SLC4A10: variants seen among roughly 807,000 people sequenced by gnomAD.
The protein encoded by SLC4A10 is solute carrier family 4 member 10.
In SLC4A10, 42 loss-of-function variants were observed where a neutral mutation model predicts 137.7. The ratio of observed to expected loss-of-function variants is 0.30; its 90% CI spans 0.24 to 0.39. The LOEUF (loss-of-function observed/expected upper bound fraction) is 0.39. Ranked by LOEUF, SLC4A10 falls within the 10% of genes least tolerant of loss-of-function variation. The pLI, the probability that SLC4A10 is intolerant of heterozygous loss-of-function variation, is 1.00. For synonymous variants in SLC4A10, 474 were observed against 464.1 expected (o/e 1.02, Z -0.27); for missense variants, 925 against 1,355.0 (o/e 0.68, Z 4.98).
intron 1 of SLC4A10, among the ~76,000 whole-genome samples, chr2:161,628,022 A>G (rs1369972010): frequency 6.6e-6 from 1 of 152,144 alleles, no homozygotes; most frequent in Non-Finnish European, 1.5e-5. Flanking sequence ...ATATGGATAT[A>G]TATGGAGAAT....
At chr2:161,639,152 A>G (rs953869712) in intron 1 of SLC4A10, among the ~76,000 whole-genome samples, 11 of 152,114 alleles carry the variant, frequency 7.2e-5, no homozygotes, top group African/African-American at 2.7e-4. Flanking sequence ...TCTCCCATCA[A>G]AGAAAAGCCC....
intron 1 of SLC4A10, among the ~76,000 whole-genome samples, chr2:161,661,811 G>T (rs2038437624): frequency 6.6e-6 from 1 of 152,080 alleles, no homozygotes. Flanking sequence ...AAGTAAAAGT[G>T]ATGAAACTTA....
intron 1 of SLC4A10, among the ~76,000 whole-genome samples, chr2:161,680,120 G>A (rs191353425): frequency 2.6e-5 from 4 of 151,860 alleles, no homozygotes; most frequent in Admixed American, 1.3e-4. Context: ...AAACCATTTC[G>A]GATCCACCAT....
intron 1 of SLC4A10, among the ~76,000 whole-genome samples, chr2:161,743,836 T>C (rs1360311369): frequency 1.3e-5 from 2 of 152,138 alleles, no homozygotes; most frequent in Admixed American, 1.3e-4. Flanking sequence ...GTCTTTTTAA[T>C]TGTAGAAATC....
intron 21 of SLC4A10, among the ~76,000 whole-genome samples, chr2:161,963,275 TAGTATGA>T (rs1251138976): frequency 6.6e-6 from 1 of 152,134 alleles, no homozygotes; most frequent in African/African-American, 2.4e-5. Flanking sequence ...TGTAACATAA[TAGTATGA>T]AGTACTATAA....
At chr2:161,677,631 TAGCATTTATCA>T (rs1239882834) in intron 1 of SLC4A10, among the ~76,000 whole-genome samples, 1 of 152,018 alleles carries the variant, frequency 6.6e-6, no homozygotes, top group African/African-American at 2.4e-5. Flanking sequence ...TAGTGGGAGG[TAGCATTTATCA>T]AGCACTTATT....
At chr2:161,787,244 G>C (rs750539435) in intron 2 of SLC4A10, among the ~76,000 whole-genome samples, 3 of 152,024 alleles carry the variant, frequency 2.0e-5, no homozygotes, top group Non-Finnish European at 4.4e-5. Flanking sequence ...CTAAAAATAG[G>C]CCCCCTATCT....
At chr2:161,824,129 A>G (rs1287179230) in intron 3 of SLC4A10, among the ~76,000 whole-genome samples, 1 of 152,108 alleles carries the variant, frequency 6.6e-6, no homozygotes, top group Non-Finnish European at 1.5e-5. Context: ...GCCGTGTAGA[A>G]ACCCAGGAGC....
At chr2:161,705,702 T>G (rs2043589055) in intron 1 of SLC4A10, among the ~76,000 whole-genome samples, 1 of 151,582 alleles carries the variant, frequency 6.6e-6, no homozygotes, top group African/African-American at 2.4e-5. Flanking sequence ...TTGCCCCCTT[T>G]TCTTCCATGT....
chr2:161,827,086 A>G (rs2058062680), intron 3 of SLC4A10, among the ~76,000 whole-genome samples: 1 of 152,184 alleles, frequency 6.6e-6, no homozygotes, highest in African/African-American at 2.4e-5. Flanking sequence ...ATGTTTGTGT[A>G]ATGTATTAAT....
intron 1 of SLC4A10, among the ~76,000 whole-genome samples, chr2:161,661,116 T>C (rs2038330452): frequency 6.6e-6 from 1 of 152,190 alleles, no homozygotes; most frequent in Non-Finnish European, 1.5e-5. Flanking sequence ...CTGCTGTTCA[T>C]TAGGGTCTTC....
intron 1 of SLC4A10, among the ~76,000 whole-genome samples, chr2:161,712,291 A>T (rs2044372406): frequency 6.6e-6 from 1 of 151,790 alleles, no homozygotes; most frequent in African/African-American, 2.4e-5. Context: ...TATTACACCA[A>T]CTACTTTATT....
At chr2:161,855,168 G>A (rs1260172335) in intron 5 of SLC4A10, 38 bp downstream of exon 5, 1 of 1,549,726 alleles carries the variant, frequency 6.5e-7, no homozygotes, top group Non-Finnish European at 8.7e-7. Flanking sequence ...TATAGGTACA[G>A]CTAATTTTTT....
At chr2:161,774,156 G>C (rs1244824768) in intron 2 of SLC4A10, among the ~76,000 whole-genome samples, 2 of 151,834 alleles carry the variant, frequency 1.3e-5, no homozygotes, top group South Asian at 2.1e-4. Flanking sequence ...TCTGAGTAAA[G>C]CAAAAATTCT....
chr2:161,823,539 G>A (rs2057792636), intron 3 of SLC4A10, among the ~76,000 whole-genome samples: 1 of 152,172 alleles, frequency 6.6e-6, no homozygotes, highest in Non-Finnish European at 1.5e-5. Context: ...CCCGTATGAA[G>A]TGCCACAGTG....
chr2:161,942,487 A>G (rs1692893714), intron 15 of SLC4A10, among the ~76,000 whole-genome samples: 1 of 152,128 alleles, frequency 6.6e-6, no homozygotes, highest in Admixed American at 6.6e-5. Context: ...TACAATATTA[A>G]CTACATAGTA....
intron 1 of SLC4A10, among the ~76,000 whole-genome samples, chr2:161,692,833 C>G (rs1179524107): frequency 1.3e-5 from 2 of 151,862 alleles, no homozygotes; most frequent in East Asian, 3.9e-4. Context: ...TTTGCTAAAG[C>G]AATTTTCATT....
At chr2:161,729,099 G>A (rs1201647695) in intron 1 of SLC4A10, among the ~76,000 whole-genome samples, 1 of 152,064 alleles carries the variant, frequency 6.6e-6, no homozygotes, top group African/African-American at 2.4e-5. Context: ...ACACTTAATG[G>A]TGAAAGACTA....
chr2:161,698,886 G>T (rs45572738), intron 1 of SLC4A10, among the ~76,000 whole-genome samples: 1 of 152,108 alleles, frequency 6.6e-6, no homozygotes, highest in Non-Finnish European at 1.5e-5. Context: ...AGGAATGGTA[G>T]CAGCTCCTCC....
Sources: gnomAD v4.1 joint callset for allele counts (sites outside exome capture counted in the v4.1 genomes callset) on GRCh38, gnomAD v4.1.1 for gene constraint, MANE v1.5 for transcripts, NCBI Gene and HGNC (gene_info 2026-07-23, HGNC 2026-07-21) for gene names.